DLGAP2: variants seen among roughly 807,000 people sequenced by gnomAD.
DLGAP2 encodes the protein disks large-associated protein 2.
A neutral mutation model predicts 100.3 loss-of-function variants in DLGAP2; 26 were observed. The observed-to-expected ratio is 0.26, with a 90% CI of 0.19 to 0.36. DLGAP2 has a LOEUF of 0.36. Among genes scored for constraint, DLGAP2 ranks in the 10% least tolerant of loss-of-function variants. The pLI, the probability that DLGAP2 is intolerant of heterozygous loss-of-function variation, is 1.00. For missense variants in DLGAP2, 1,858 were observed against 1,453.2 expected, an observed-to-expected ratio of 1.28 and a Z score of -4.53; for synonymous variants, 886 against 630.1, an observed-to-expected ratio of 1.41 and a Z score of -6.08.
At chr8:849,074 T>C (rs1023563886) in intron 1 of DLGAP2, among the ~76,000 whole-genome samples, 1 of 151,872 alleles carries the variant, frequency 6.6e-6, no homozygotes, top group South Asian at 2.1e-4. Flanking sequence ...TGTTCCAGTA[T>C]AGAATCTTGT....
At chr8:1,264,859 G>A (rs1329389384) in intron 3 of DLGAP2, among the ~76,000 whole-genome samples, 1 of 152,146 alleles carries the variant, frequency 6.6e-6, no homozygotes, top group Non-Finnish European at 1.5e-5. Context: ...AATCATGAGG[G>A]TGAGTCTTTC....
At chr8:1,048,722 G>C (rs1172240934) in intron 2 of DLGAP2, among the ~76,000 whole-genome samples, 1 of 151,900 alleles carries the variant, frequency 6.6e-6, no homozygotes, top group African/African-American at 2.4e-5. Flanking sequence ...CCTGGAACTG[G>C]GGCTGCGGTG....
chr8:748,852 C>A (rs1346105357), intron 1 of DLGAP2, among the ~76,000 whole-genome samples: 1 of 152,210 alleles, frequency 6.6e-6, no homozygotes, highest in Non-Finnish European at 1.5e-5. Context: ...GGCGCGGAGA[C>A]CTTTCGTTGG....
At chr8:1,169,019 A>C (rs1035826433) in intron 2 of DLGAP2, among the ~76,000 whole-genome samples, 2 of 148,706 alleles carry the variant, frequency 1.3e-5, no homozygotes, top group African/African-American at 5.0e-5. Flanking sequence ...TTTTAGGTCT[A>C]ACGTTTAAGT....
At chr8:1,590,791 G>T (rs144077523) in intron 6 of DLGAP2, among the ~76,000 whole-genome samples, 2 of 152,014 alleles carry the variant, frequency 1.3e-5, no homozygotes, top group East Asian at 3.9e-4. Flanking sequence ...TCCCCATCCC[G>T]TTCGGAGGCT....
intron 3 of DLGAP2, among the ~76,000 whole-genome samples, chr8:1,409,369 G>A (rs562901005): frequency 3.4e-4 from 52 of 152,158 alleles, no homozygotes; most frequent in South Asian, 1.0e-3. Context: ...CTTCCTCACC[G>A]TAGGCGCCCA....
chr8:1,664,698 T>C (rs1479880211), intron 8 of DLGAP2, among the ~76,000 whole-genome samples: 1 of 152,212 alleles, frequency 6.6e-6, no homozygotes, highest in Non-Finnish European at 1.5e-5. Context: ...TTCAGTTCAA[T>C]ATTGCAGCCT....
intron 2 of DLGAP2, among the ~76,000 whole-genome samples, chr8:974,810 A>G (rs1800121791): frequency 6.6e-6 from 1 of 152,222 alleles, no homozygotes; most frequent in Admixed American, 6.5e-5. Context: ...AAGATCCAAA[A>G]TCAATCATCT....
intron 1 of DLGAP2, among the ~76,000 whole-genome samples, chr8:845,429 T>C (rs182495192): frequency 6.6e-6 from 1 of 152,376 alleles, no homozygotes; most frequent in East Asian, 1.9e-4. Flanking sequence ...GTTGAACATC[T>C]TTCCATGTGC....
chr8:1,426,760 C>T (rs768485924), intron 3 of DLGAP2, among the ~76,000 whole-genome samples: 6 of 152,160 alleles, frequency 3.9e-5, no homozygotes, highest in Non-Finnish European at 7.4e-5. Context: ...ATGGCTTCCA[C>T]GTCTTGAAGA....
At chr8:1,563,176 G>A (rs868292219) in intron 5 of DLGAP2, among the ~76,000 whole-genome samples, 41 of 42,412 alleles carry the variant, frequency 9.7e-4, no homozygotes, top group East Asian at 1.8e-3. Context: ...TTACTGGGGG[G>A]CTGTGTGGTG....
intron 3 of DLGAP2, among the ~76,000 whole-genome samples, chr8:1,387,878 G>A (rs1158561620): frequency 1.3e-5 from 2 of 152,232 alleles, no homozygotes; most frequent in Non-Finnish European, 2.9e-5. Flanking sequence ...TGATGGCGCT[G>A]GAAGCCGAGA....
chr8:1,444,037 T>C (rs1025801970), intron 3 of DLGAP2, among the ~76,000 whole-genome samples: 1 of 152,210 alleles, frequency 6.6e-6, no homozygotes, highest in Admixed American at 6.5e-5. Context: ...ATTGTACTCA[T>C]GCTGAATATG....
At chr8:1,443,261 G>C (rs1413337646) in intron 3 of DLGAP2, among the ~76,000 whole-genome samples, 2 of 151,440 alleles carry the variant, frequency 1.3e-5, no homozygotes, top group Non-Finnish European at 2.9e-5. Flanking sequence ...GGTAACATTT[G>C]GATGTTAATA....
intron 1 of DLGAP2, among the ~76,000 whole-genome samples, chr8:833,854 C>G (rs151097170): frequency 4.6e-5 from 7 of 152,262 alleles, no homozygotes; most frequent in African/African-American, 1.7e-4. Flanking sequence ...AGTTTTTCAT[C>G]TTTTATCTCA....
intron 2 of DLGAP2, among the ~76,000 whole-genome samples, chr8:1,190,510 A>T (rs1167181418): frequency 3.3e-5 from 5 of 152,070 alleles, no homozygotes; most frequent in Non-Finnish European, 5.9e-5. Context: ...CTCATGCAGG[A>T]GGCACCCGTC....
chr8:1,021,311 A>G (rs570951354), intron 2 of DLGAP2, among the ~76,000 whole-genome samples: 18 of 152,300 alleles, frequency 1.2e-4, no homozygotes, highest in African/African-American at 4.1e-4. Context: ...TATATTTTGG[A>G]AAGTGCTCAG....
intron 3 of DLGAP2, among the ~76,000 whole-genome samples, chr8:1,264,456 A>G (rs188035208): frequency 6.6e-6 from 1 of 152,196 alleles, no homozygotes; most frequent in African/African-American, 2.4e-5. Flanking sequence ...AGGGCCATGG[A>G]TAGGATATAA....
In DLGAP2 at chr8:748,821, G is replaced by A. The variant is rs78282922; in HGVS notation, c.18+10996G>A. ...AGTGGACAAGGATGGGTGAAACCCC[G>A]GGGTTACTGCTTTGTTGTGCGGCGC... On this transcript the variant is annotated intron_variant, in intron 1 of 14. Transcript: ENST00000637795. Among the ~76,000 whole-genome samples, 69 of 152,292 alleles carry A rather than the reference G, an allele frequency of 4.5e-4. No individual in the cohort carries two copies. The East Asian group carries it at 7.9e-3, about 17-fold the overall frequency.
Sources: allele counts gnomAD v4.1 joint callset (sites outside exome capture counted in the v4.1 genomes callset), GRCh38; gene constraint gnomAD v4.1.1; transcripts MANE v1.5; gene names NCBI Gene and HGNC (gene_info 2026-07-23, HGNC 2026-07-21).